The following ASPM variants were observed in gnomAD, a reference collection of about 807,000 sequenced individuals.
ASPM encodes assembly factor for spindle microtubules, also known as abnormal spindle-like microcephaly-associated protein.
Under a neutral mutation model 366.4 loss-of-function variants are expected in ASPM, and 256 were observed. The ratio of observed to expected loss-of-function variants is 0.70; its 90% CI spans 0.63 to 0.77. The LOEUF (loss-of-function observed/expected upper bound fraction) is 0.77, where lower values mean the gene tolerates loss of function less well. Ranked by LOEUF, ASPM falls within the 30% of genes least tolerant of loss-of-function variation. The pLI, the probability that ASPM is intolerant of heterozygous loss-of-function variation, is 0.00. For synonymous variants in ASPM, 1,414 were observed against 1,342.9 expected, an observed-to-expected ratio of 1.05 and a Z score of -1.16; for missense variants, 4,146 against 4,090.4, an observed-to-expected ratio of 1.01 and a Z score of -0.37.
In ASPM at chr1:197,093,040, G is replaced by T; in HGVS notation, c.9294+12C>A. ...TTTATAAGAATGAGATATGCTACTTGAAAATACTTACTCTTTTTCGTACTA... is the reference window on the plus strand; with the variant it reads ...TTTATAAGAATGAGATATGCTACTTTAAAATACTTACTCTTTTTCGTACTA... On this transcript the variant is annotated intron_variant, in intron 21 of 27. Transcript: ENST00000367409. 6.3e-7 allele frequency: 1 copy of T among 1,587,542 alleles called. No homozygotes were observed. Among genetic ancestry groups the T allele is most frequent in the Admixed American group, 1.7e-5 (1 of 59,732 alleles).
At chr1:197,139,323 G>A (rs1012076862) in intron 4 of ASPM, 13 of 734,856 alleles carry the variant, frequency 1.8e-5, no homozygotes, top group Admixed American at 1.3e-4. Context: ...TTGGCCGGGC[G>A]CGGTGGCTCA....
chr1:197,088,330 C>A lies in ASPM; in HGVS notation c.10087G>T (p.Asp3363Tyr). Reference protein sequence around the residue: ...YREKPGNKVADKGGSIFTKTC... With the variant: ...YREKPGNKVAYKGGSIFTKTC... The stretch of plus-strand genomic sequence containing the variant: ...TTTGTAAAAATGCTTCCGCCTTTGT[C>A]TGCAACTTTATTACCAGGCTTTTCT... Residue 3363 changes from aspartate to tyrosine, a missense_variant, in exon 26 of 28, where the codon GAC becomes TAC. Transcript: ENST00000367409. 1 of 1,613,536 alleles carries A rather than the reference C, an allele frequency of 6.2e-7. No homozygotes were observed. Among genetic ancestry groups the A allele is most frequent in the Non-Finnish European group, 8.5e-7 (1 of 1,179,740 alleles).
Position 197,096,191 on chromosome 1 carries a change from A to T in ASPM, c.8821-27T>A, listed in dbSNP as rs764237762. 9.7e-6 allele frequency: 15 copies of T among 1,542,030 alleles called. No individual in the cohort carries two copies. The East Asian group carries it at 3.2e-4, about 32-fold the overall frequency. On this transcript the variant is annotated intron_variant, in intron 18 of 27. Coordinates refer to ENST00000367409, the MANE Select transcript of ASPM (RefSeq NM_018136.5). ...TATTAAATACATAAATATAACAAGTATGCAATGAGTTGTCTCTTTTTTTTT... is the reference window on the plus strand; with the variant it reads ...TATTAAATACATAAATATAACAAGTTTGCAATGAGTTGTCTCTTTTTTTTT...
rs797045308 is a variant in ASPM, at chr1:197,088,239, AACTG to A, written c.10161+13_10161+16del. On this transcript the variant is annotated intron_variant, in intron 26 of 27. Coordinates refer to ENST00000367409, the MANE Select transcript of ASPM (RefSeq NM_018136.5). Reference sequence around the variant, plus strand: ...CAGAAAAATAATCTTAAAGAAAGGCAACTGACTAATACTTACAGAGGCTCTATTT... The same window carrying A: ...CAGAAAAATAATCTTAAAGAAAGGCAACTAATACTTACAGAGGCTCTATTT... The A allele has an allele frequency of 8.1e-6, 13 of 1,609,424 alleles. No individual in the cohort carries two copies. Among genetic ancestry groups the A allele is most frequent in the East Asian group, 2.2e-5 (1 of 44,778 alleles).
At position 197,101,181 on chromosome 1, in the gene ASPM, C is replaced by T. The variant is rs1207611418; in HGVS notation, c.8070G>A (p.Arg2690=). Residue 2690 remains arginine (R), a synonymous_variant, in exon 18 of 28, where the codon CGG becomes CGA. Coordinates refer to ENST00000367409, the MANE Select transcript of ASPM (RefSeq NM_018136.5). ...AGAATGACTGAATTAGTGTGGCAGC[C>T]CGGTGCATATTTTGAATATCCTTTC... ...KVRKDIQNMH[R]AATLIQSFYR... The T allele has an allele frequency of 1.2e-6, 2 of 1,612,390 alleles. No individual in the cohort carries two copies. The highest frequency in any genetic ancestry group is 3.3e-5 in the Admixed American group (2 of 59,732).
chr1:197,093,144 C>G lies in ASPM; in HGVS notation c.9202G>C (p.Ala3068Pro), dbSNP rs1558324125. ...TATTTTATCCTTTCATGCTTTCCAG[C>G]CTCCCTGGCTCGTATATATTTTTGT... ...IIQKYIRAREAGKHERIKYIE... is the reference protein window; with the variant it reads ...IIQKYIRAREPGKHERIKYIE... The change falls in exon 21 of 28, where the codon GCT becomes CCT. Residue 3068 changes from alanine to proline, a missense_variant. By Grantham distance (27) the Ala-to-Pro change is conservative. Coordinates refer to ENST00000367409, the MANE Select transcript of ASPM (RefSeq NM_018136.5). 4 of 1,612,404 alleles carry G rather than the reference C, an allele frequency of 2.5e-6. No individual in the cohort carries two copies. The highest frequency in any genetic ancestry group is 1.7e-5 in the Admixed American group (1 of 59,824).
Position 197,090,378 on chromosome 1 carries a change from C to T in ASPM, c.9647G>A (p.Arg3216Lys), listed in dbSNP as rs376525687. 57 of 1,607,336 alleles carry T rather than the reference C, an allele frequency of 3.5e-5. No homozygotes were observed. The highest frequency in any genetic ancestry group is 4.2e-5 in the Non-Finnish European group (49 of 1,175,488). Residue 3216 changes from arginine to lysine, a missense_variant, in exon 24 of 28, where the codon AGA becomes AAA. Physicochemically the swap from Arg to Lys is conservative, Grantham distance 26 (BLOSUM62 2). This residue lies in a region of ASPM where 3,624 missense variants were observed against 3,591.7 expected (regional missense o/e 1.01). Coordinates refer to ENST00000367409, the MANE Select transcript of ASPM (RefSeq NM_018136.5). ...ATTTTTCTTCCTCCAAGAATAGCCT[C>T]TCCATAATGCCTTAAAGAGATAAAA... ...SGIIKIQALW[R>K]GYSWRKKNDC...
Position 197,104,378 on chromosome 1 carries a change from C to T in ASPM, c.4873G>A (p.Val1625Ile), listed in dbSNP as rs1229050392. The change falls in exon 18 of 28, where the codon GTT becomes ATT. Residue 1625 changes from valine (V) to isoleucine (I), a missense_variant. Around this residue, in one of 3 missense-constraint regions of ASPM, gnomAD observed 3,624 missense variants for 3,591.7 expected, o/e 1.01. Transcript: ENST00000367409. ...HFRAYIFAMK[V>I]LASYQKTRSA... ...CGTGTTTTCTGGTAAGATGCTAGAA[C>T]TTTCATGGCAAAAATATAAGCTCGG... 4 of 1,613,064 alleles carry T rather than the reference C, an allele frequency of 2.5e-6. No individual in the cohort carries two copies. The South Asian group carries it at 4.4e-5, about 18-fold the overall frequency.
At chr1:197,088,191 T>A in intron 26 of ASPM, 65 bp downstream of exon 26, 1 of 1,540,726 alleles carries the variant, frequency 6.5e-7, no homozygotes, top group Non-Finnish European at 8.9e-7. Context: ...AGGAAAACTA[T>A]AAAAGTCATA....
chr1:197,123,144 G>A (rs1014934388), intron 13 of ASPM, among the ~76,000 whole-genome samples: 2 of 151,938 alleles, frequency 1.3e-5, no homozygotes, highest in African/African-American at 4.8e-5. Flanking sequence ...TTCTGTATAC[G>A]GCACATCACA....
chr1:197,091,465 G>A (rs890911931), intron 22 of ASPM, among the ~76,000 whole-genome samples: 7 of 151,888 alleles, frequency 4.6e-5, no homozygotes, highest in Non-Finnish European at 7.4e-5. Context: ...CGGGCAAAGT[G>A]TATGAGAAAA....
rs1359727000 is a variant in ASPM, at chr1:197,139,741, A to G, written c.2026+26T>C. On this transcript the variant is annotated intron_variant, in intron 4 of 27. Transcript: ENST00000367409. The stretch of plus-strand genomic sequence containing the variant: ...GCTTCATTCGATGTCATGTTTTCAG[A>G]GAGTTTAAGTATAATAAATACTTGC... 10 of 1,488,824 alleles carry G rather than the reference A, an allele frequency of 6.7e-6. No individual in the cohort carries two copies. The African/African-American group carries it at 1.4e-4, about 21-fold the overall frequency. The allele number at this position is 1,488,824 out of a possible 1,614,324, so 92.2% of individuals were successfully genotyped here. A position where few individuals can be genotyped will look rare whatever the true frequency, so the allele number is the denominator to read the frequency against.
Position 197,101,026 on chromosome 1 carries a change from A to G in ASPM, c.8225T>C (p.Val2742Ala), listed in dbSNP as rs762125847. ...TCTAAAAGCAGCCTGAATAGTTCGT[A>G]CAGATTTCTGAACTGCTAAAAAGTT... ...RKNFLAVQKSVRTIQAAFRGM... is the reference protein window; with the variant it reads ...RKNFLAVQKSARTIQAAFRGM... The change falls in exon 18 of 28, where the codon GTA becomes GCA. Residue 2742 changes from valine to alanine, a missense_variant. Around this residue, in one of 3 missense-constraint regions of ASPM, gnomAD observed 3,624 missense variants for 3,591.7 expected, o/e 1.01. Coordinates refer to ENST00000367409, the MANE Select transcript of ASPM (RefSeq NM_018136.5). 5.6e-6 allele frequency: 9 copies of G among 1,612,094 alleles called. No individual in the cohort carries two copies. The highest frequency in any genetic ancestry group is 7.6e-6 in the Non-Finnish European group (9 of 1,179,046).
rs181045749 is a variant in ASPM at position 197,142,464 on chromosome 1, C to T, written c.1788G>A (p.Val596=). 52 of 1,613,960 alleles carry T rather than the reference C, an allele frequency of 3.2e-5. No homozygotes were observed. In the East Asian group the frequency reaches 1.1e-3, roughly 34 times the overall value. The change falls in exon 3 of 28, where the codon GTG becomes GTA. Residue 596 remains valine (V), a synonymous_variant. Transcript: ENST00000367409. ...VRVAITEHTE[V]REIKRIHFSP... The stretch of plus-strand genomic sequence containing the variant: ...AAAAATGGATTCTTTTGATTTCTCG[C>T]ACTTCTGTATGTTCTGTAATTGCAA...
chr1:197,128,479 C>T lies in ASPM; in HGVS notation c.2936+11G>A, dbSNP rs933013807. The stretch of plus-strand genomic sequence containing the variant: ...TCCATTAAGCAAAATAATTCTATTT[C>T]TTATACGTACACAAGGCGCACTCCA... On this transcript the variant is annotated intron_variant, in intron 10 of 27. Coordinates refer to ENST00000367409, the MANE Select transcript of ASPM (RefSeq NM_018136.5). 1.2e-6 allele frequency: 2 copies of T among 1,605,238 alleles called. No individual in the cohort carries two copies. Among genetic ancestry groups the T allele is most frequent in the African/African-American group, 2.7e-5 (2 of 74,668 alleles).
At position 197,146,404 on chromosome 1, in the gene ASPM, C is replaced by T; in HGVS notation, c.34G>A (p.Glu12Lys). Reference protein sequence around the residue: ...ANRRVGRGCWEVSPTERRPPA... With the variant: ...ANRRVGRGCWKVSPTERRPPA... The stretch of plus-strand genomic sequence containing the variant: ...GGCCTCCGCTCGGTCGGGCTCACTT[C>T]CCAGCAGCCTCGCCCCACTCGCCGG... Residue 12 changes from glutamate (E) to lysine (K), a missense_variant, in exon 1 of 28, where the codon GAA (glutamate) becomes AAA (lysine). This residue lies in a region of ASPM where 512 missense variants were observed against 471.7 expected (regional missense o/e 1.09). Coordinates refer to ENST00000367409, the MANE Select transcript of ASPM (RefSeq NM_018136.5). 6.2e-7 allele frequency: 1 copy of T among 1,609,790 alleles called. No individual in the cohort carries two copies. Among genetic ancestry groups the T allele is most frequent in the Non-Finnish European group, 8.5e-7 (1 of 1,179,524 alleles).
In ASPM at chr1:197,101,042, C is replaced by G. The variant is rs1195025378; in HGVS notation, c.8209G>C (p.Ala2737Pro). 1 of 1,611,596 alleles carries G rather than the reference C, an allele frequency of 6.2e-7. No individual in the cohort carries two copies. The highest frequency in any genetic ancestry group is 1.7e-5 in the Admixed American group (1 of 59,618). The change falls in exon 18 of 28, where the codon GCA becomes CCA. Residue 2737 changes from alanine (A) to proline (P), a missense_variant. Ala to Pro is a conservative substitution (Grantham distance 27). Coordinates refer to ENST00000367409, the MANE Select transcript of ASPM (RefSeq NM_018136.5). Reference sequence around the variant, plus strand: ...ATAGTTCGTACAGATTTCTGAACTGCTAAAAAGTTTTTTCTTTCTGTTTTT... The same window carrying G: ...ATAGTTCGTACAGATTTCTGAACTGGTAAAAAGTTTTTTCTTTCTGTTTTT... The part of the protein sequence containing the change: ...RVKTERKNFL[A>P]VQKSVRTIQA...
At chr1:197,087,559 A>G (rs538280753) in intron 26 of ASPM, among the ~76,000 whole-genome samples, 1 of 152,242 alleles carries the variant, frequency 6.6e-6, no homozygotes, top group African/African-American at 2.4e-5. Flanking sequence ...AATTATAGTC[A>G]ACACACCTAT....
At chr1:197,124,586 G>T (rs991566063) in intron 12 of ASPM, among the ~76,000 whole-genome samples, 1 of 151,826 alleles carries the variant, frequency 6.6e-6, no homozygotes, top group African/African-American at 2.4e-5. Flanking sequence ...ATGGGATTTG[G>T]GGCCCATGGG....
Sources: allele counts gnomAD v4.1 joint callset (sites outside exome capture counted in the v4.1 genomes callset), GRCh38; gene constraint gnomAD v4.1.1; regional missense constraint gnomAD v4.1.1; transcripts MANE v1.5; gene names NCBI Gene and HGNC (gene_info 2026-07-23, HGNC 2026-07-21).